IDE: variants seen among roughly 807,000 people sequenced by gnomAD.
IDE encodes the protein insulin degrading enzyme.
In IDE, 58 loss-of-function variants were observed where a neutral mutation model predicts 133.2. The observed-to-expected ratio is 0.44, with a 90% CI of 0.35 to 0.54. IDE has a LOEUF of 0.54. Ranked by LOEUF, IDE falls within the 20% of genes least tolerant of loss-of-function variation. The pLI, the probability that IDE is intolerant of heterozygous loss-of-function variation, is 0.00. For missense variants in IDE, 981 were observed against 1,234.0 expected, an observed-to-expected ratio of 0.79 and a Z score of 3.07; for synonymous variants, 396 against 421.3, an observed-to-expected ratio of 0.94 and a Z score of 0.73.
chr10:92,494,943 A>C (rs145070774), intron 11 of IDE, among the ~76,000 whole-genome samples: 78 of 152,378 alleles, frequency 5.1e-4, no homozygotes, highest in African/African-American at 1.8e-3. Flanking sequence ...ACCTGGCAAT[A>C]AGAAACTGAG....
Position 92,453,639 on chromosome 10 carries a change from T to G in IDE, c.*805A>C, listed in dbSNP as rs1844847499. ...ATCTGAAGTTGACCCTATTTGTACG[T>G]GTTAAATAAATATGTTGTGTTAAAG... is the stretch of plus-strand genomic sequence containing the variant. On this transcript the variant is annotated 3_prime_UTR_variant, in exon 25 of 25. Transcript: ENST00000265986. 1 of 152,146 alleles carries G rather than the reference T, an allele frequency of 6.6e-6. No homozygotes were observed. Among genetic ancestry groups the G allele is most frequent in the African/African-American group, 2.4e-5 (1 of 41,428 alleles). 9.4% of individuals were successfully genotyped at this position (152,146 alleles called of 1,614,324 possible).
At chr10:92,557,679 C>T (rs1843076698) in intron 1 of IDE, among the ~76,000 whole-genome samples, 1 of 151,910 alleles carries the variant, frequency 6.6e-6, no homozygotes. Flanking sequence ...CACTTGATGC[C>T]AGGAGTTCGA....
chr10:92,540,372 T>C (rs967521925), intron 1 of IDE, among the ~76,000 whole-genome samples: 1 of 152,146 alleles, frequency 6.6e-6, no homozygotes. Context: ...TCAATATAAA[T>C]TAAACTATTT....
intron 22 of IDE, among the ~76,000 whole-genome samples, chr10:92,460,885 G>T (rs992702076): frequency 1.2e-4 from 19 of 152,190 alleles, no homozygotes; most frequent in African/African-American, 3.9e-4. Context: ...CTGTCACCCA[G>T]ACAGGAGTGC....
In IDE at chr10:92,504,763, G is replaced by A. The variant is rs569214069; in HGVS notation, c.1430+31C>T. The A allele has an allele frequency of 1.5e-5, 16 of 1,094,530 alleles. No homozygotes were observed. In the South Asian group the frequency reaches 1.8e-4, roughly 13 times the overall value. 67.8% of individuals were successfully genotyped at this position (1,094,530 alleles called of 1,614,324 possible). On this transcript the variant is annotated intron_variant, in intron 11 of 24. Transcript: ENST00000265986. Reference sequence around the variant, plus strand: ...TTCTAATCATTATTGAAAATTTAGTGTATAATAGTAAAATCTGTATGGTGA... The same window carrying A: ...TTCTAATCATTATTGAAAATTTAGTATATAATAGTAAAATCTGTATGGTGA...
intron 20 of IDE, among the ~76,000 whole-genome samples, chr10:92,464,681 T>C (rs1371431024): frequency 6.6e-6 from 1 of 152,280 alleles, no homozygotes; most frequent in East Asian, 1.9e-4. Context: ...CACAGTTTGA[T>C]TTTCTTTGAG....
At chr10:92,519,330 C>A (rs1849094068) in intron 4 of IDE, among the ~76,000 whole-genome samples, 1 of 152,180 alleles carries the variant, frequency 6.6e-6, no homozygotes. Context: ...CACATACTGT[C>A]CTAATTTTGT....
At chr10:92,537,877 T>A (rs1018126384) in intron 1 of IDE, among the ~76,000 whole-genome samples, 1 of 152,096 alleles carries the variant, frequency 6.6e-6, no homozygotes, top group Non-Finnish European at 1.5e-5. Context: ...TTGTTTTTGT[T>A]TTTTTGAGAC....
At chr10:92,476,763 G>A (rs1055142598) in intron 15 of IDE, among the ~76,000 whole-genome samples, 4 of 152,174 alleles carry the variant, frequency 2.6e-5, no homozygotes, top group African/African-American at 9.7e-5. Flanking sequence ...AAAATTAATT[G>A]TAGAATGTGG....
intron 15 of IDE, 122 bp downstream of exon 15, chr10:92,479,155 T>C (rs1429700620): frequency 2.5e-5 from 15 of 600,078 alleles, no homozygotes; most frequent in African/African-American, 5.7e-5. Context: ...TGAGAAAATA[T>C]GATTAGCCAT....
intron 1 of IDE, among the ~76,000 whole-genome samples, chr10:92,570,314 T>C (rs1011947048): frequency 6.6e-6 from 1 of 152,234 alleles, no homozygotes; most frequent in Non-Finnish European, 1.5e-5. Context: ...AGCAGTTTAC[T>C]GTTTATTACT....
intron 17 of IDE, among the ~76,000 whole-genome samples, chr10:92,473,118 A>G (rs1846060058): frequency 6.6e-6 from 1 of 150,386 alleles, no homozygotes; most frequent in Admixed American, 6.7e-5. Context: ...AATTTTTTGT[A>G]TTTTTAGTAC....
At chr10:92,486,281 C>T (rs1009208411) in intron 13 of IDE, among the ~76,000 whole-genome samples, 24 of 151,180 alleles carry the variant, frequency 1.6e-4, no homozygotes, top group East Asian at 1.2e-3. Context: ...ACTTGGGAGG[C>T]GGAAGTTACA....
At chr10:92,566,002 GAA>G (rs5787004) in intron 1 of IDE, among the ~76,000 whole-genome samples, 65 of 143,278 alleles carry the variant, frequency 4.5e-4, no homozygotes, top group African/African-American at 1.5e-3. Flanking sequence ...TTATCTGAAA[GAA>G]AAAAAAAAAA....
At chr10:92,474,473 GT>G (rs1466732435) in intron 17 of IDE, 1 of 153,044 alleles carries the variant, frequency 6.5e-6, no homozygotes, top group African/African-American at 2.4e-5. Context: ...AGCCACCACT[GT>G]TTTTTTACAT....
At chr10:92,565,926 A>C (rs192187457) in intron 1 of IDE, among the ~76,000 whole-genome samples, 5 of 152,126 alleles carry the variant, frequency 3.3e-5, no homozygotes, top group African/African-American at 1.2e-4. Flanking sequence ...TTGAATTCAT[A>C]TCTCGCTAAG....
At chr10:92,483,182 G>A in intron 14 of IDE, 73 bp downstream of exon 14, 1 of 725,748 alleles carries the variant, frequency 1.4e-6, no homozygotes, top group Non-Finnish European at 2.4e-6. Context: ...GGATGTTTAA[G>A]AAGAACAGAC....
intron 1 of IDE, among the ~76,000 whole-genome samples, chr10:92,550,799 G>C (rs188852097): frequency 4.4e-4 from 67 of 152,318 alleles, no homozygotes; most frequent in Admixed American, 4.4e-3. Context: ...GAACCTGGAA[G>C]GCAGAGCTTG....
At chr10:92,466,045 A>C (rs1267732419) in intron 19 of IDE, among the ~76,000 whole-genome samples, 1 of 152,022 alleles carries the variant, frequency 6.6e-6, no homozygotes, top group Non-Finnish European at 1.5e-5. Flanking sequence ...TACTAATTAT[A>C]AATTGGCAGC....
Sources: allele counts gnomAD v4.1 joint callset (sites outside exome capture counted in the v4.1 genomes callset), GRCh38; gene constraint gnomAD v4.1.1; transcripts MANE v1.5; gene names NCBI Gene and HGNC (gene_info 2026-07-23, HGNC 2026-07-21).